Variants in PDZRN3 observed in about 807,000 individuals in gnomAD.
The protein encoded by PDZRN3 is E3 ubiquitin-protein ligase PDZRN3.
A neutral mutation model predicts 85.7 loss-of-function variants in PDZRN3; 38 were observed. The ratio of observed to expected loss-of-function variants is 0.44; its 90% confidence interval spans 0.34 to 0.58. PDZRN3 has a LOEUF of 0.58. Ranked by LOEUF, PDZRN3 falls within the 20% of genes least tolerant of loss-of-function variation. The pLI, the probability that PDZRN3 is intolerant of heterozygous loss-of-function variation, is 0.01. For synonymous variants in PDZRN3, 759 were observed against 638.0 expected, an observed-to-expected ratio of 1.19 and a Z score of -2.86; for missense variants, 1,629 against 1,506.4, an observed-to-expected ratio of 1.08 and a Z score of -1.35.
chr3:73,504,961 A>G (rs1704044759), intron 3 of PDZRN3, among the ~76,000 whole-genome samples: 1 of 152,220 alleles, frequency 6.6e-6, no homozygotes, highest in Non-Finnish European at 1.5e-5. Context: ...ATGTTTTCAT[A>G]TGAATGTGCT....
In PDZRN3 at chr3:73,561,122, T is replaced by C. The variant is rs1701806452; in HGVS notation, c.918+41232A>G. On this transcript the variant is annotated intron_variant, in intron 3 of 9. Transcript: ENST00000263666. ...TTTCTCACCTTCAGTTAGGATGCTT[T>C]ACTTCTCATTGATCTACTGGATGGC... is the stretch of plus-strand genomic sequence containing the variant. 3.3e-5 allele frequency among the ~76,000 whole-genome samples: 5 copies of C among 152,248 alleles called. No individual in the cohort carries two copies. In the South Asian group the frequency reaches 1.0e-3, roughly 31 times the overall value.
At chr3:73,453,404 C>CAAAAAAAAAA (rs1184407369) in intron 3 of PDZRN3, among the ~76,000 whole-genome samples, 3 of 97,538 alleles carry the variant, frequency 3.1e-5, no homozygotes, top group Admixed American at 1.2e-4. Flanking sequence ...GACTTCGTCT[C>CAAAAAAAAAA]AAAAAAAAAA....
chr3:73,466,683 T>G (rs759771065), intron 3 of PDZRN3, among the ~76,000 whole-genome samples: 3 of 152,178 alleles, frequency 2.0e-5, no homozygotes, highest in Non-Finnish European at 4.4e-5. Context: ...AACTCTAGAA[T>G]GAATTTGTAG....
rs562086290 is a variant in PDZRN3 at position 73,593,177 on chromosome 3, CAATATAA to C, written c.918+9170_918+9176del. On this transcript the variant is annotated intron_variant, in intron 3 of 9. Coordinates refer to ENST00000263666, the MANE Select transcript of PDZRN3 (RefSeq NM_015009.3). ...GTCTAGATATCACATGTAAAGATGA[CAATATAA>C]AATATATTTGACCTGTATTATTGTC... Among the ~76,000 whole-genome samples the C allele has an allele frequency of 3.8e-4, 58 of 151,514 alleles. No individual in the cohort carries two copies. The South Asian group carries it at 0.012, about 30-fold the overall frequency.
chr3:73,492,667 C>T (rs1703793268), intron 3 of PDZRN3, among the ~76,000 whole-genome samples: 1 of 152,206 alleles, frequency 6.6e-6, no homozygotes. Flanking sequence ...CTGCTAAGCA[C>T]TGGCATTTGG....
chr3:73,466,121 C>CA (rs1484932300), intron 3 of PDZRN3, among the ~76,000 whole-genome samples: 6 of 152,260 alleles, frequency 3.9e-5, no homozygotes, highest in Non-Finnish European at 7.3e-5. Flanking sequence ...AATATAACAC[C>CA]AGTTTATTCA....
chr3:73,446,231 T>C (rs1047190064), intron 3 of PDZRN3, among the ~76,000 whole-genome samples: 2 of 152,186 alleles, frequency 1.3e-5, no homozygotes, highest in African/African-American at 4.8e-5. Context: ...CCATCTACCA[T>C]GACCTACCTT....
intron 3 of PDZRN3, among the ~76,000 whole-genome samples, chr3:73,499,738 T>C (rs1441785281): frequency 1.3e-5 from 2 of 152,184 alleles, no homozygotes; most frequent in African/African-American, 4.8e-5. Flanking sequence ...TAAGGGGATC[T>C]GGGGAAGCTT....
intron 3 of PDZRN3, among the ~76,000 whole-genome samples, chr3:73,523,814 C>T (rs935934596): frequency 6.6e-6 from 1 of 152,154 alleles, no homozygotes; most frequent in Non-Finnish European, 1.5e-5. Context: ...TTTCTGGAAG[C>T]TGCACTCATT....
intron 5 of PDZRN3, among the ~76,000 whole-genome samples, chr3:73,399,203 AT>A (rs1701700849): frequency 6.6e-6 from 1 of 152,248 alleles, no homozygotes; most frequent in African/African-American, 2.4e-5. Flanking sequence ...CTACTACTTC[AT>A]AACTCTAGCT....
intron 5 of PDZRN3, among the ~76,000 whole-genome samples, chr3:73,392,290 C>A (rs1037756306): frequency 1.3e-5 from 2 of 152,212 alleles, no homozygotes; most frequent in African/African-American, 4.8e-5. Flanking sequence ...GCCCACAGGC[C>A]AGCATGAGTA....
chr3:73,386,445 C>T (rs1030185054), intron 8 of PDZRN3, among the ~76,000 whole-genome samples: 8 of 152,070 alleles, frequency 5.3e-5, no homozygotes, highest in African/African-American at 1.9e-4. Flanking sequence ...CCTCCTGCCT[C>T]AGCCTCCCAA....
chr3:73,383,190 C>T lies in PDZRN3; in HGVS notation c.*175G>A, dbSNP rs1057502292. 9 of 558,728 alleles carry T rather than the reference C, an allele frequency of 1.6e-5. No individual in the cohort carries two copies. The highest frequency in any genetic ancestry group is 1.3e-4 in the African/African-American group (7 of 53,090). The allele number at this position is 558,728 out of a possible 1,614,324, so 34.6% of individuals were successfully genotyped here. A position where few individuals can be genotyped will look rare whatever the true frequency, so the allele number is the denominator to read the frequency against. Reference sequence around the variant, plus strand: ...TCCAAGATAGTAAGGGTGTTTTTCTCTCTCTTCCCTTAAAATAGACCTATG... The same window carrying T: ...TCCAAGATAGTAAGGGTGTTTTTCTTTCTCTTCCCTTAAAATAGACCTATG... On this transcript the variant is annotated 3_prime_UTR_variant, in exon 10 of 10. Coordinates refer to ENST00000263666, the MANE Select transcript of PDZRN3 (RefSeq NM_015009.3).
chr3:73,588,729 G>A (rs1021703814), intron 3 of PDZRN3, among the ~76,000 whole-genome samples: 1 of 152,166 alleles, frequency 6.6e-6, no homozygotes, highest in Non-Finnish European at 1.5e-5. Flanking sequence ...TCCATTTACA[G>A]TCATGACACA....
chr3:73,469,742 A>C (rs908171790), intron 3 of PDZRN3, among the ~76,000 whole-genome samples: 1 of 152,066 alleles, frequency 6.6e-6, no homozygotes, highest in African/African-American at 2.4e-5. Context: ...ATTACTTCTG[A>C]TTTGAATGTT....
At chr3:73,569,582 A>T in intron 3 of PDZRN3, 1 of 1,025,752 alleles carries the variant, frequency 9.7e-7, no homozygotes. Context: ...ATTGACAGAC[A>T]CAGAGGACAG....
chr3:73,429,729 A>C (rs1046264436), intron 3 of PDZRN3, among the ~76,000 whole-genome samples: 1 of 152,240 alleles, frequency 6.6e-6, no homozygotes. Flanking sequence ...TAAGAGGCAC[A>C]AATTAATCTT....
chr3:73,407,309 C>T (rs1007451364), intron 3 of PDZRN3, among the ~76,000 whole-genome samples: 7 of 152,072 alleles, frequency 4.6e-5, no homozygotes, highest in African/African-American at 1.4e-4. Flanking sequence ...GGGAGCTGGC[C>T]TCAGAGGCCA....
chr3:73,558,678 G>A (rs963686791), intron 3 of PDZRN3, among the ~76,000 whole-genome samples: 3 of 152,236 alleles, frequency 2.0e-5, no homozygotes, highest in African/African-American at 7.2e-5. Flanking sequence ...AGCTTTTGGA[G>A]AATCCATTCC....
Sources: allele counts gnomAD v4.1 joint callset (sites outside exome capture counted in the v4.1 genomes callset), GRCh38; gene constraint gnomAD v4.1.1; transcripts MANE v1.5; gene names NCBI Gene and HGNC (gene_info 2026-07-23, HGNC 2026-07-21).